The following PCDHGA2 variants were observed in gnomAD, a reference collection of about 807,000 sequenced individuals.
The protein encoded by PCDHGA2 is protocadherin gamma subfamily A, 2.
Under a neutral mutation model 59.2 loss-of-function variants are expected in PCDHGA2, and 40 were observed. The ratio of observed to expected loss-of-function variants is 0.68; its 90% CI spans 0.52 to 0.88. The LOEUF (loss-of-function observed/expected upper bound fraction) is 0.88, where lower values mean the gene tolerates loss of function less well. Among genes scored for constraint, PCDHGA2 ranks in the 40% least tolerant of loss-of-function variants. The pLI is 0.00. For synonymous variants in PCDHGA2, 560 were observed against 526.0 expected, an observed-to-expected ratio of 1.06 and a Z score of -0.89; for missense variants, 1,226 against 1,204.0, an observed-to-expected ratio of 1.02 and a Z score of -0.27.
intron 1 of PCDHGA2, among the ~76,000 whole-genome samples, chr5:141,349,588 C>G (rs1231521478): frequency 6.6e-6 from 1 of 151,692 alleles, no homozygotes; most frequent in Non-Finnish European, 1.5e-5. Flanking sequence ...CTCTTTTTTG[C>G]AAAAACTATT....
chr5:141,361,618 G>T lies in PCDHGA2; in HGVS notation c.2424+20223G>T, dbSNP rs372928108. On this transcript the variant is annotated intron_variant, in intron 1 of 3. Transcript: ENST00000394576. ...AGTTTCCTACTCCATCGTAGCGAGC[G>T]ACCTGAAGCCGCGGGAGATTTTATC... 63 of 1,613,956 alleles carry T rather than the reference G, an allele frequency of 3.9e-5. No individual in the cohort carries two copies. The African/African-American group carries it at 4.1e-4, about 11-fold the overall frequency.
rs2097461148 is a variant in PCDHGA2 at position 141,432,174 on chromosome 5, T to C, written c.2425-62633T>C. ...AACAATCCCAGAGGAGTTTCCCTCGTCTCTGTGACCGCCCACGACCCCGAC... is the reference window on the plus strand; with the variant it reads ...AACAATCCCAGAGGAGTTTCCCTCGCCTCTGTGACCGCCCACGACCCCGAC... On this transcript the variant is annotated intron_variant, in intron 1 of 3. Transcript: ENST00000394576. The surrounding 1 kb of genome is among the most constrained non-coding windows in gnomAD (Gnocchi z 6.0). 1 of 1,614,088 alleles carries C rather than the reference T, an allele frequency of 6.2e-7. No homozygotes were observed. Among genetic ancestry groups the C allele is most frequent in the Non-Finnish European group, 8.5e-7 (1 of 1,180,022 alleles).
At position 141,477,811 on chromosome 5, in the gene PCDHGA2, C is replaced by A. The variant is rs1211574518; in HGVS notation, c.2425-16996C>A. 1 of 1,614,046 alleles carries A rather than the reference C, an allele frequency of 6.2e-7. No individual in the cohort carries two copies. Among genetic ancestry groups the A allele is most frequent in the Non-Finnish European group, 8.5e-7 (1 of 1,180,034 alleles). On this transcript the variant is annotated intron_variant, in intron 1 of 3. Transcript: ENST00000394576. This position sits in a 1 kb window ranked among gnomAD's most constrained non-coding sequence, Gnocchi z 4.9. ...TCACTGATCGCAATGACAATGCCCC[C>A]CAGGTCCTATATCCTCGGCCAGGTG...
chr5:141,471,196 C>T (rs59385734), intron 1 of PCDHGA2: 16,293 of 151,632 alleles, frequency 0.11, 894 homozygotes, highest in South Asian at 0.15. Context: ...ATTACAGGCA[C>T]CCACCCCCAT....
intron 1 of PCDHGA2, among the ~76,000 whole-genome samples, chr5:141,484,281 C>T (rs969039536): frequency 6.6e-6 from 1 of 152,202 alleles, no homozygotes; most frequent in Admixed American, 6.5e-5. Context: ...TGTTTTGAAA[C>T]ATCTCCCTCT....
At chr5:141,366,995 A>T in intron 1 of PCDHGA2, 2 of 462,060 alleles carry the variant, frequency 4.3e-6, no homozygotes, top group Non-Finnish European at 3.7e-6. Context: ...GGTTAAATAT[A>T]ATCATTTTAC....
intron 1 of PCDHGA2, chr5:141,371,629 G>C (rs749054700): frequency 2.2e-5 from 36 of 1,613,866 alleles, no homozygotes; most frequent in Middle Eastern, 1.6e-4. Context: ...GCCCTGGACC[G>C]GGAGCAGATC....
intron 1 of PCDHGA2, among the ~76,000 whole-genome samples, chr5:141,433,747 G>A (rs566709728): frequency 1.3e-5 from 2 of 150,990 alleles, no homozygotes; most frequent in East Asian, 4.0e-4. Context: ...TGAGTCAGGA[G>A]AATTGCTTTA....
At chr5:141,382,483 A>G (rs1778240323) in intron 1 of PCDHGA2, among the ~76,000 whole-genome samples, 1 of 152,250 alleles carries the variant, frequency 6.6e-6, no homozygotes, top group Non-Finnish European at 1.5e-5. Context: ...TAAGATTATC[A>G]AACACCGGTC....
chr5:141,356,954 G>A, intron 1 of PCDHGA2: 1 of 1,614,216 alleles, frequency 6.2e-7, no homozygotes, highest in Non-Finnish European at 8.5e-7. Flanking sequence ...GCAGATTCCG[G>A]CTACCTGGTG....
chr5:141,443,136 C>T (rs910953831), intron 1 of PCDHGA2, among the ~76,000 whole-genome samples: 1 of 152,160 alleles, frequency 6.6e-6, no homozygotes, highest in African/African-American at 2.4e-5. Context: ...AGAACACTAT[C>T]ATAAGTTATA....
chr5:141,420,804 G>C (rs1283868316), intron 1 of PCDHGA2, among the ~76,000 whole-genome samples: 1 of 152,188 alleles, frequency 6.6e-6, no homozygotes, highest in Non-Finnish European at 1.5e-5. Context: ...TAAAAATTAA[G>C]CAAGCCCTTT....
At chr5:141,402,487 A>G (rs1239262921) in intron 1 of PCDHGA2, among the ~76,000 whole-genome samples, 1 of 152,226 alleles carries the variant, frequency 6.6e-6, no homozygotes, top group Non-Finnish European at 1.5e-5. Flanking sequence ...AAGTTCTACC[A>G]AGAATAAGAA....
chr5:141,347,137 C>CTCTTTCTTTCTCTCTTTCTTTCTT, intron 1 of PCDHGA2, among the ~76,000 whole-genome samples: 1 of 113,834 alleles, frequency 8.8e-6, no homozygotes, highest in East Asian at 2.4e-4. Flanking sequence ...CTCTGTTTCT[C>CTCTTTCTTTCTCTCTTTCTTTCTT]TCTTTCTTTC....
chr5:141,492,552 T>A (rs1444534113), intron 1 of PCDHGA2, among the ~76,000 whole-genome samples: 1 of 152,084 alleles, frequency 6.6e-6, no homozygotes, highest in African/African-American at 2.4e-5. Context: ...CCGGGTCGCC[T>A]GGGGGGCGGC....
rs774140980 is a variant in PCDHGA2, at chr5:141,420,167, T to G, written c.2425-74640T>G. On this transcript the variant is annotated intron_variant, in intron 1 of 3. Transcript: ENST00000394576. ...GAATCCAGAATTTAATTTTTTCACA[T>G]CTGTTGATCATTGTCCAGCCACACA... 3 of 1,614,082 alleles carry G rather than the reference T, an allele frequency of 1.9e-6. No homozygotes were observed. The South Asian group carries it at 3.3e-5, about 18-fold the overall frequency.
intron 2 of PCDHGA2, among the ~76,000 whole-genome samples, chr5:141,498,889 C>T (rs1415870992): frequency 3.4e-5 from 5 of 146,174 alleles, no homozygotes; most frequent in African/African-American, 1.3e-4. Flanking sequence ...GCTGAGATCA[C>T]ACCACTGCAC....
At chr5:141,389,243 T>C (rs370534911) in intron 1 of PCDHGA2, 4 of 1,614,056 alleles carry the variant, frequency 2.5e-6, no homozygotes, top group Non-Finnish European at 3.4e-6. Flanking sequence ...TCTCACAGTC[T>C]TCCTATATAG....
intron 1 of PCDHGA2, chr5:141,417,612 T>C: frequency 1.6e-6 from 1 of 617,852 alleles, no homozygotes; most frequent in Non-Finnish European, 2.6e-6. Flanking sequence ...CGTCGGCCAG[T>C]GCAGAGCAAG....
Sources: allele counts gnomAD v4.1 joint callset (sites outside exome capture counted in the v4.1 genomes callset), GRCh38; gene constraint gnomAD v4.1.1; non-coding constraint Gnocchi (gnomAD v3.1); transcripts MANE v1.5; gene names NCBI Gene and HGNC (gene_info 2026-07-23, HGNC 2026-07-21).